RAB27A: variants seen among roughly 807,000 people sequenced by gnomAD.
The protein encoded by RAB27A is RAB27A, member RAS oncogene family, also known as ras-related protein Rab-27A.
A neutral mutation model predicts 20.8 loss-of-function variants in RAB27A; 17 were observed. That is an observed-to-expected ratio of 0.82 (90% confidence interval 0.56 to 1.23). The LOEUF (loss-of-function observed/expected upper bound fraction) is 1.23. Among genes scored for constraint, RAB27A ranks in the 50% most tolerant of loss-of-function variants. The pLI is 0.00. For missense variants in RAB27A, 277 were observed against 266.7 expected, an observed-to-expected ratio of 1.04 and a Z score of -0.27; for synonymous variants, 85 against 92.8, an observed-to-expected ratio of 0.92 and a Z score of 0.48.
chr15:55,225,095 C>G (rs1895744324), intron 5 of RAB27A, among the ~76,000 whole-genome samples: 1 of 152,208 alleles, frequency 6.6e-6, no homozygotes, highest in African/African-American at 2.4e-5. Context: ...GGTTGTTACA[C>G]ATGCTGTTCC....
In RAB27A at chr15:55,234,937, T is replaced by C; in HGVS notation, c.-3A>G. The C allele has an allele frequency of 6.2e-7, 1 of 1,610,848 alleles. No homozygotes were observed. Among genetic ancestry groups the C allele is most frequent in the African/African-American group, 1.3e-5 (1 of 74,916 alleles). On this transcript the variant is annotated 5_prime_UTR_variant, in exon 3 of 7. Transcript: ENST00000336787. ...TAATCATAATCTCCATCAGACATAATGAAGAACTCAGTAGTTCACCTGTAA... is the reference window on the plus strand; with the variant it reads ...TAATCATAATCTCCATCAGACATAACGAAGAACTCAGTAGTTCACCTGTAA...
At position 55,266,152 on chromosome 15, in the gene RAB27A, A is replaced by C. The variant is rs145926389; in HGVS notation, c.-23+4013T>G. ...TGGGAAGTAATTAGGTTTTGAGGAT[A>C]GATCCTTCATGAAGGGGATTAGTGC... is the stretch of plus-strand genomic sequence containing the variant. On this transcript the variant is annotated intron_variant, in intron 2 of 6. Transcript: ENST00000336787. Among the ~76,000 whole-genome samples the C allele has an allele frequency of 1.0e-3, 152 of 152,358 alleles. 1 individual carries two copies. The highest frequency in any genetic ancestry group is 3.6e-3 in the African/African-American group (148 of 41,586).
chr15:55,293,416 A>C (rs1353592305), upstream of RAB27A, among the ~76,000 whole-genome samples: 13 of 151,612 alleles, frequency 8.6e-5, no homozygotes, highest in Admixed American at 8.6e-4. Context: ...TGAAATAAGC[A>C]AAGATGCAAG....
chr15:55,210,883 G>C (rs1595671306), intron 6 of RAB27A, among the ~76,000 whole-genome samples: 1 of 152,150 alleles, frequency 6.6e-6, no homozygotes, highest in Admixed American at 6.5e-5. Context: ...TCTTCTAGTA[G>C]TTTCATAGTT....
At chr15:55,311,420 G>C (rs2055020156) in intron 2 of RAB27A, among the ~76,000 whole-genome samples, 1 of 152,094 alleles carries the variant, frequency 6.6e-6, no homozygotes, top group Admixed American at 6.5e-5. Context: ...GCACTCTGTG[G>C]TTCATTGTTT....
intron 6 of RAB27A, among the ~76,000 whole-genome samples, chr15:55,206,030 C>T (rs535265006): frequency 3.3e-5 from 5 of 151,682 alleles, no homozygotes; most frequent in South Asian, 2.1e-4. Context: ...GGCCAACATG[C>T]GGAAACCCCA....
intron 2 of RAB27A, among the ~76,000 whole-genome samples, chr15:55,303,071 C>T (rs1329570099): frequency 6.5e-5 from 9 of 138,646 alleles, no homozygotes; most frequent in Non-Finnish European, 4.8e-5. Context: ...CCGCGCCATC[C>T]GGGAGGGAGG....
At position 55,204,170 on chromosome 15, in the gene RAB27A, A is replaced by G. The variant is rs1470655829; in HGVS notation, c.*1337T>C. 1.3e-5 allele frequency: 2 copies of G among 152,226 alleles called. No individual in the cohort carries two copies. Among genetic ancestry groups the G allele is most frequent in the African/African-American group, 4.8e-5 (2 of 41,458 alleles). The allele number at this position is 152,226 out of a possible 1,614,324, so 9.4% of individuals were successfully genotyped here. A position where few individuals can be genotyped will look rare whatever the true frequency, so the allele number is the denominator to read the frequency against. ...TTAAGATCTCTGGAAGTTTTGATCT[A>G]CTTTATTCAAACCACTTTAATAAAT... is the stretch of plus-strand genomic sequence containing the variant. On this transcript the variant is annotated 3_prime_UTR_variant, in exon 7 of 7. Coordinates refer to ENST00000336787, the MANE Select transcript of RAB27A (RefSeq NM_183235.3).
chr15:55,227,399 G>A (rs1895852546), intron 5 of RAB27A, among the ~76,000 whole-genome samples: 1 of 152,166 alleles, frequency 6.6e-6, no homozygotes, highest in African/African-American at 2.4e-5. Context: ...GAGAGTAAGA[G>A]ACCATAAACA....
At chr15:55,303,767 C>T (rs71399475) in intron 2 of RAB27A, among the ~76,000 whole-genome samples, 10 of 126,158 alleles carry the variant, frequency 7.9e-5, no homozygotes, top group Middle Eastern at 5.2e-3. Flanking sequence ...CCCGGCCAGC[C>T]GCCCCGTCCG....
At chr15:55,243,136 C>T (rs1037489612) in intron 2 of RAB27A, among the ~76,000 whole-genome samples, 1 of 152,130 alleles carries the variant, frequency 6.6e-6, no homozygotes, top group African/African-American at 2.4e-5. Flanking sequence ...ATGGGCTCTG[C>T]CAAGGACAGA....
chr15:55,209,821 T>TATGTATAC, intron 6 of RAB27A, among the ~76,000 whole-genome samples: 1 of 133,660 alleles, frequency 7.5e-6, no homozygotes, highest in African/African-American at 3.3e-5. Flanking sequence ...CACATGTGTG[T>TATGTATAC]ATATATACAT....
chr15:55,262,521 A>G (rs370423525), intron 2 of RAB27A, among the ~76,000 whole-genome samples: 40 of 147,128 alleles, frequency 2.7e-4, no homozygotes, highest in East Asian at 1.6e-3. Flanking sequence ...CAGCCTGGGC[A>G]ACAGAGTGAG....
At chr15:55,226,534 T>A (rs532577774) in intron 5 of RAB27A, among the ~76,000 whole-genome samples, 2,992 of 150,158 alleles carry the variant, frequency 0.02, 103 homozygotes, top group African/African-American at 0.069. Flanking sequence ...TGTGTGTGTG[T>A]GAGTGTGTAT....
At chr15:55,222,188 T>A (rs1895602780) in intron 6 of RAB27A, among the ~76,000 whole-genome samples, 1 of 152,154 alleles carries the variant, frequency 6.6e-6, no homozygotes, top group Admixed American at 6.5e-5. Flanking sequence ...CATGAGAATG[T>A]GTTAAAAGTT....
intron 2 of RAB27A, among the ~76,000 whole-genome samples, chr15:55,295,141 C>G (rs1667651827): frequency 6.6e-6 from 1 of 151,768 alleles, no homozygotes; most frequent in African/African-American, 2.4e-5. Context: ...TCACAATGAG[C>G]TGCCACTTCA....
intron 2 of RAB27A, chr15:55,269,689 C>T (rs11630409): frequency 0.16 from 24,618 of 151,998 alleles, 2,513 homozygotes; most frequent in East Asian, 0.55. Flanking sequence ...TGCAGTGACC[C>T]GAGATTGTAC....
At chr15:55,209,869 T>C (rs987034448) in intron 6 of RAB27A, among the ~76,000 whole-genome samples, 250 of 8,224 alleles carry the variant, frequency 0.03, 19 homozygotes, top group South Asian at 0.19. Context: ...TATACATATA[T>C]ACATATATGT....
chr15:55,227,068 T>C (rs1195269145), intron 5 of RAB27A, among the ~76,000 whole-genome samples: 2 of 152,200 alleles, frequency 1.3e-5, no homozygotes, highest in African/African-American at 4.8e-5. Flanking sequence ...ATTAAATATA[T>C]AAAATCTTCA....
Sources: gnomAD v4.1 joint callset for allele counts (sites outside exome capture counted in the v4.1 genomes callset) on GRCh38, gnomAD v4.1.1 for gene constraint, MANE v1.5 for transcripts, NCBI Gene and HGNC (gene_info 2026-07-23, HGNC 2026-07-21) for gene names.